MAP2K4: variants seen among roughly 807,000 people sequenced by gnomAD.
MAP2K4 encodes dual specificity mitogen-activated protein kinase kinase 4.
In MAP2K4, 4 loss-of-function variants were observed where a neutral mutation model predicts 48.5. The ratio of observed to expected loss-of-function variants is 0.08; its 90% CI spans 0.04 to 0.19. MAP2K4 has a LOEUF of 0.19. Ranked by LOEUF, MAP2K4 falls within the 10% of genes least tolerant of loss-of-function variation. The pLI is 1.00. For synonymous variants in MAP2K4, 166 were observed against 173.1 expected (o/e 0.96, Z 0.32); for missense variants, 258 against 493.3 (o/e 0.52, Z 4.52).
At chr17:12,029,397 C>T (rs916904281) in intron 1 of MAP2K4, among the ~76,000 whole-genome samples, 18 of 151,860 alleles carry the variant, frequency 1.2e-4, no homozygotes, top group African/African-American at 4.1e-4. Context: ...TGCCTGGGGC[C>T]AGGAAAAATG....
intron 1 of MAP2K4, among the ~76,000 whole-genome samples, chr17:12,021,962 T>C (rs2151502574): frequency 6.6e-6 from 1 of 152,282 alleles, no homozygotes; most frequent in East Asian, 1.9e-4. Flanking sequence ...TCCTTAAATT[T>C]ACTGGGGAAT....
At chr17:12,026,709 T>C (rs756839683) in intron 1 of MAP2K4, among the ~76,000 whole-genome samples, 1 of 152,204 alleles carries the variant, frequency 6.6e-6, no homozygotes, top group African/African-American at 2.4e-5. Context: ...AGGAAGCATC[T>C]TTGCCAGAAG....
chr17:12,093,289 A>G (rs544193664), intron 3 of MAP2K4, among the ~76,000 whole-genome samples: 8 of 152,194 alleles, frequency 5.3e-5, no homozygotes, highest in Non-Finnish European at 1.2e-4. Context: ...TCAAAGATAG[A>G]GCTGTGCTAG....
chr17:12,064,257 A>C lies in MAP2K4; in HGVS notation c.218+9266A>C, dbSNP rs573758754. On this transcript the variant is annotated intron_variant, in intron 2 of 10. Coordinates refer to ENST00000353533, the MANE Select transcript of MAP2K4 (RefSeq NM_003010.4). Reference sequence around the variant, plus strand: ...TACATCACACCCGACTCATTTAAAAAAATTTTTTGTAGAGGTGGGATCTTG... The same window carrying C: ...TACATCACACCCGACTCATTTAAAACAATTTTTTGTAGAGGTGGGATCTTG... Among the ~76,000 whole-genome samples the C allele has an allele frequency of 1.5e-4, 23 of 152,230 alleles. 1 individual carries two copies. The South Asian group carries it at 4.8e-3, about 32-fold the overall frequency.
intron 3 of MAP2K4, among the ~76,000 whole-genome samples, chr17:12,083,623 ACT>A (rs1057416278): frequency 2.6e-5 from 4 of 152,244 alleles, no homozygotes; most frequent in Non-Finnish European, 5.9e-5. Flanking sequence ...CTTCATTAAT[ACT>A]GGAAGAATAA....
intron 10 of MAP2K4, among the ~76,000 whole-genome samples, chr17:12,140,177 T>A (rs558618063): frequency 6.6e-6 from 1 of 150,462 alleles, no homozygotes; most frequent in East Asian, 2.0e-4. Flanking sequence ...ATAGTCTATT[T>A]ATATGGGATG....
intron 1 of MAP2K4, among the ~76,000 whole-genome samples, chr17:12,024,015 A>G (rs1969177283): frequency 6.6e-6 from 1 of 152,210 alleles, no homozygotes; most frequent in South Asian, 2.1e-4. Flanking sequence ...CTAACCTCTC[A>G]TTATTTACCA....
chr17:12,110,430 G>A lies in MAP2K4; in HGVS notation c.685+4G>A, dbSNP rs1252246184. 6.3e-7 allele frequency: 1 copy of A among 1,590,600 alleles called. No homozygotes were observed. Among genetic ancestry groups the A allele is most frequent in the Non-Finnish European group, 8.6e-7 (1 of 1,162,782 alleles). On this transcript the variant is annotated splice_donor_region_variant and intron_variant, in intron 6 of 10. Transcript: ENST00000353533. ...AACTTGAAAATTATTCACAGAGGTG[G>A]GTATGGATTGGTATTTTTTGTAATA...
intron 4 of MAP2K4, among the ~76,000 whole-genome samples, chr17:12,102,191 T>C (rs1033445445): frequency 2.0e-5 from 3 of 152,102 alleles, no homozygotes; most frequent in African/African-American, 2.4e-5. Context: ...TTTTTACTCC[T>C]AGTTTGCTGA....
intron 2 of MAP2K4, among the ~76,000 whole-genome samples, chr17:12,063,248 A>G (rs751377759): frequency 6.6e-6 from 1 of 152,176 alleles, no homozygotes; most frequent in Non-Finnish European, 1.5e-5. Flanking sequence ...TACAAGTACA[A>G]CCTGCAAGCT....
In MAP2K4 at chr17:12,032,727, T is replaced by C. The variant is rs1969478212; in HGVS notation, c.115+11726T>C. On this transcript the variant is annotated intron_variant, in intron 1 of 10. Transcript: ENST00000353533. ...TGAATATATTTTTAATTTTTTTCTT[T>C]AAAACAAAACAGTGTTTTTCTTCTG... is the stretch of plus-strand genomic sequence containing the variant. 4.6e-5 allele frequency among the ~76,000 whole-genome samples: 7 copies of C among 152,344 alleles called. 1 individual carries two copies. In the South Asian group the frequency reaches 1.4e-3, roughly 32 times the overall value.
At chr17:12,086,993 C>T (rs938859056) in intron 3 of MAP2K4, among the ~76,000 whole-genome samples, 4 of 152,170 alleles carry the variant, frequency 2.6e-5, no homozygotes, top group South Asian at 4.2e-4. Context: ...ACTAAAGGCA[C>T]GCACCACCAC....
chr17:12,089,831 A>G (rs1198462275), intron 3 of MAP2K4, among the ~76,000 whole-genome samples: 1 of 152,148 alleles, frequency 6.6e-6, no homozygotes. Context: ...TCCTCCATGC[A>G]TTGTCTCCAT....
At chr17:12,068,170 CAA>C (rs900904452) in intron 2 of MAP2K4, among the ~76,000 whole-genome samples, 15 of 152,094 alleles carry the variant, frequency 9.9e-5, no homozygotes, top group African/African-American at 3.6e-4. Context: ...GAAAAACAAA[CAA>C]ATTTAGATTA....
chr17:12,109,550 T>C (rs1358210167), intron 5 of MAP2K4, among the ~76,000 whole-genome samples: 2 of 152,176 alleles, frequency 1.3e-5, no homozygotes, highest in East Asian at 1.9e-4. Flanking sequence ...GTTGTGTCTC[T>C]TTTCCTTCCC....
rs144027051 is a variant in MAP2K4 at position 12,077,154 on chromosome 17, T to A, written c.219-4202T>A. On this transcript the variant is annotated intron_variant, in intron 2 of 10. Transcript: ENST00000353533. ...AGTAATGAACTATAGAAATGACCCCTGAAAGTATAGTCTTAGAGTTAAGAT... is the reference window on the plus strand; with the variant it reads ...AGTAATGAACTATAGAAATGACCCCAGAAAGTATAGTCTTAGAGTTAAGAT... Among the ~76,000 whole-genome samples, 107 of 152,310 alleles carry A rather than the reference T, an allele frequency of 7.0e-4. No homozygotes were observed. The East Asian group carries it at 0.02, about 28-fold the overall frequency.
At chr17:12,076,327 T>TG (rs1971006862) in intron 2 of MAP2K4, among the ~76,000 whole-genome samples, 1 of 77,954 alleles carries the variant, frequency 1.3e-5, no homozygotes, top group Admixed American at 1.3e-4. Flanking sequence ...GTGTGTGTGT[T>TG]TAGTCTGTAG....
chr17:12,030,903 G>A (rs1439988458), intron 1 of MAP2K4, among the ~76,000 whole-genome samples: 2 of 152,162 alleles, frequency 1.3e-5, no homozygotes, highest in Non-Finnish European at 2.9e-5. Flanking sequence ...GGGATGCGGG[G>A]AAGACTTGCC....
chr17:12,072,739 G>A (rs1159182684), intron 2 of MAP2K4, among the ~76,000 whole-genome samples: 1 of 152,102 alleles, frequency 6.6e-6, no homozygotes, highest in African/African-American at 2.4e-5. Context: ...AGGTCTTTGT[G>A]TTATGTAAAA....
Sources: allele counts gnomAD v4.1 joint callset (sites outside exome capture counted in the v4.1 genomes callset), GRCh38; gene constraint gnomAD v4.1.1; transcripts MANE v1.5; gene names NCBI Gene and HGNC (gene_info 2026-07-23, HGNC 2026-07-21).